The following TIAM1 variants were observed in gnomAD, a reference collection of about 807,000 sequenced individuals.
The protein encoded by TIAM1 is rho guanine nucleotide exchange factor TIAM1.
In TIAM1, 65 loss-of-function variants were observed where a neutral mutation model predicts 163.5. That is an observed-to-expected ratio of 0.40 (90% CI 0.33 to 0.49). TIAM1 has a LOEUF of 0.49. Ranked by LOEUF, TIAM1 falls within the 20% of genes least tolerant of loss-of-function variation. The pLI, the probability that TIAM1 is intolerant of heterozygous loss-of-function variation, is 0.77. For missense variants in TIAM1, 1,789 were observed against 2,044.7 expected, an observed-to-expected ratio of 0.87 and a Z score of 2.41; for synonymous variants, 833 against 810.1, an observed-to-expected ratio of 1.03 and a Z score of -0.48.
chr21:31,182,774 C>T (rs1196599118), intron 14 of TIAM1, 129 bp from the exon 15 acceptor site: 11 of 925,384 alleles, frequency 1.2e-5, no homozygotes, highest in East Asian at 2.8e-5. Flanking sequence ...AGACAGGCTG[C>T]GGTGCTCGGG....
At chr21:31,226,248 A>T (rs2087964659) in intron 6 of TIAM1, among the ~76,000 whole-genome samples, 1 of 152,128 alleles carries the variant, frequency 6.6e-6, no homozygotes, top group Non-Finnish European at 1.5e-5. Context: ...CCTAACACAC[A>T]ACTTGGTGTC....
chr21:31,149,985 T>A (rs2083301913), intron 19 of TIAM1, among the ~76,000 whole-genome samples: 1 of 152,120 alleles, frequency 6.6e-6, no homozygotes, highest in East Asian at 1.9e-4. Context: ...TATGTACACA[T>A]AGACACACCA....
Position 31,505,723 on chromosome 21 carries a change from C to T in TIAM1, c.-421-41688G>A, listed in dbSNP as rs115537111. ...CTCATTTTAAAAGCTGATGCCAGGC[C>T]GGGCACGGCATCAGATTTTTTTTGT... On this transcript the variant is annotated intron_variant, in intron 1 of 28. Transcript: ENST00000286827. 5.3e-3 allele frequency among the ~76,000 whole-genome samples: 810 copies of T among 152,200 alleles called. 6 individuals carry two copies. Among genetic ancestry groups the T allele is most frequent in the African/African-American group, 0.019 (781 of 41,526 alleles).
chr21:31,339,492 T>C (rs1443973934), intron 1 of TIAM1, 70 bp from the exon 2 acceptor site: 1 of 398,232 alleles, frequency 2.5e-6, no homozygotes, highest in Non-Finnish European at 4.4e-6. Context: ...GATTGCAAGA[T>C]TATCCTCAGA....
At chr21:31,219,848 T>C (rs974815756) in intron 8 of TIAM1, among the ~76,000 whole-genome samples, 1 of 152,050 alleles carries the variant, frequency 6.6e-6, no homozygotes, top group Non-Finnish European at 1.5e-5. Flanking sequence ...ACACCGGAGG[T>C]GTCACAGGGA....
rs555481936 is a variant in TIAM1, at chr21:31,160,904, C to T, written c.2991+4058G>A. On this transcript the variant is annotated intron_variant, in intron 16 of 27. Coordinates refer to ENST00000541036, the MANE Select transcript of TIAM1 (RefSeq NM_001353694.2). ...ACAAAATGCCTCCCCGGGATGTAAGCGTCTCTGCCCTGCAGCCTGAGATCA... is the reference window on the plus strand; with the variant it reads ...ACAAAATGCCTCCCCGGGATGTAAGTGTCTCTGCCCTGCAGCCTGAGATCA... 2.2e-4 allele frequency: 35 copies of T among 162,402 alleles called. No homozygotes were observed. In the South Asian group the frequency reaches 6.7e-3, roughly 31 times the overall value. The allele number at this position is 162,402 out of a possible 1,614,324, so 10.1% of individuals were successfully genotyped here. A position where few individuals can be genotyped will look rare whatever the true frequency, so the allele number is the denominator to read the frequency against.
intron 14 of TIAM1, among the ~76,000 whole-genome samples, chr21:31,186,284 G>A (rs911777680): frequency 1.3e-5 from 2 of 152,148 alleles, no homozygotes; most frequent in Non-Finnish European, 2.9e-5. Flanking sequence ...TTCTATGAAC[G>A]GAAGCAACAG....
At chr21:31,270,981 C>T (rs2073031921) in intron 3 of TIAM1, among the ~76,000 whole-genome samples, 1 of 152,182 alleles carries the variant, frequency 6.6e-6, no homozygotes, top group African/African-American at 2.4e-5. Context: ...TTCCTGACCC[C>T]TCCTCCATCT....
At chr21:31,360,386 A>T (rs957157901) in intron 2 of TIAM1, among the ~76,000 whole-genome samples, 2 of 152,088 alleles carry the variant, frequency 1.3e-5, no homozygotes, top group Admixed American at 1.3e-4. Context: ...AATATACTCT[A>T]ATGTCCTTGT....
chr21:31,254,292 T>C (rs942492046), intron 4 of TIAM1, among the ~76,000 whole-genome samples: 6 of 152,232 alleles, frequency 3.9e-5, no homozygotes, highest in African/African-American at 1.2e-4. Context: ...ACAAGTCTGG[T>C]TGGTGGCAGA....
intron 3 of TIAM1, among the ~76,000 whole-genome samples, chr21:31,273,222 G>T (rs925615355): frequency 6.6e-6 from 1 of 152,150 alleles, no homozygotes; most frequent in African/African-American, 2.4e-5. Flanking sequence ...CTATGGCACA[G>T]GCAACAAAAA....
intron 2 of TIAM1, among the ~76,000 whole-genome samples, chr21:31,355,152 C>T: frequency 6.7e-6 from 1 of 150,160 alleles, no homozygotes; most frequent in East Asian, 1.9e-4. Context: ...AAACACCCAC[C>T]AGACACTGTT....
chr21:31,132,462 G>C (rs1021396068), intron 23 of TIAM1, among the ~76,000 whole-genome samples: 4 of 152,176 alleles, frequency 2.6e-5, no homozygotes, highest in Admixed American at 1.3e-4. Flanking sequence ...CTGAGCACAA[G>C]CAACCTGAGA....
At chr21:31,535,273 C>T (rs1161293260) in intron 1 of TIAM1, among the ~76,000 whole-genome samples, 1 of 145,302 alleles carries the variant, frequency 6.9e-6, no homozygotes, top group African/African-American at 2.6e-5. Context: ...CCCAGCTGCT[C>T]AGGAGGCTGA....
At chr21:31,165,508 C>T (rs967343044) in intron 15 of TIAM1, among the ~76,000 whole-genome samples, 4 of 151,990 alleles carry the variant, frequency 2.6e-5, no homozygotes, top group East Asian at 3.9e-4. Flanking sequence ...AAAAGGCAGC[C>T]GTCTGTAAGC....
At chr21:31,287,120 A>G (rs755452157) in intron 2 of TIAM1, among the ~76,000 whole-genome samples, 2 of 152,178 alleles carry the variant, frequency 1.3e-5, no homozygotes. Context: ...TACAATCACA[A>G]TGGTGTATTG....
At chr21:31,343,021 C>A (rs1365597756) in intron 1 of TIAM1, among the ~76,000 whole-genome samples, 1 of 152,188 alleles carries the variant, frequency 6.6e-6, no homozygotes, top group East Asian at 1.9e-4. Flanking sequence ...CACCCCAGAC[C>A]TGGGAAAGAA....
chr21:31,147,993 C>T (rs2083211195), intron 19 of TIAM1, among the ~76,000 whole-genome samples: 1 of 99,576 alleles, frequency 1.0e-5, no homozygotes, highest in Non-Finnish European at 1.8e-5. Flanking sequence ...GATTCTGAGT[C>T]TGTCCATGAC....
intron 14 of TIAM1, among the ~76,000 whole-genome samples, chr21:31,186,335 C>T (rs944378355): frequency 6.6e-6 from 1 of 152,156 alleles, no homozygotes; most frequent in African/African-American, 2.4e-5. Flanking sequence ...CAGGCAATAG[C>T]CAATGTCAGC....
Sources: gnomAD v4.1 joint callset for allele counts (sites outside exome capture counted in the v4.1 genomes callset) on GRCh38, gnomAD v4.1.1 for gene constraint, MANE v1.5 for transcripts, NCBI Gene and HGNC (gene_info 2026-07-23, HGNC 2026-07-21) for gene names.